The following STRN4 variants were observed in gnomAD, a reference collection of about 807,000 sequenced individuals.
STRN4 encodes striatin 4, also known as striatin-4.
STRN4 carries 27 observed loss-of-function variants against 77.9 expected under a neutral mutation model. The ratio of observed to expected loss-of-function variants is 0.35; its 90% CI spans 0.26 to 0.48. The LOEUF is 0.48. Among genes scored for constraint, STRN4 ranks in the 20% least tolerant of loss-of-function variants. The probability of loss-of-function intolerance (pLI) is 0.99; values close to 1 mark genes in which losing one functional copy is unlikely to be tolerated. For missense variants in STRN4, 798 were observed against 1,049.7 expected (o/e 0.76, Z 3.31); for synonymous variants, 466 against 443.1 (o/e 1.05, Z -0.65).
At position 46,723,869 on chromosome 19, in the gene STRN4, C is replaced by A. The variant is rs2054040266; in HGVS notation, c.1595-585G>T. Among the ~76,000 whole-genome samples the A allele has an allele frequency of 1.3e-5, 2 of 152,310 alleles. No homozygotes were observed. Among genetic ancestry groups the A allele is most frequent in the South Asian group, 2.1e-4 (1 of 4,826 alleles). On this transcript the variant is annotated intron_variant, in intron 12 of 17. Coordinates refer to ENST00000263280, the MANE Select transcript of STRN4 (RefSeq NM_013403.3). This position sits in a 1 kb window ranked among gnomAD's most constrained non-coding sequence, Gnocchi z 5.5. ...CTGACCTTGTGCAGGTGAGCCTGTT[C>A]TCTAAAGTCTGTCCTCCCCTTGAGA...
In STRN4 at chr19:46,728,727, G is replaced by A. The variant is rs138551240; in HGVS notation, c.930C>T (p.Asp310=). The A allele has an allele frequency of 1.2e-4, 186 of 1,614,156 alleles. No individual in the cohort carries two copies. In the African/African-American group the frequency reaches 1.9e-3, roughly 17 times the overall value. The change falls in exon 7 of 18, where the codon GAC becomes GAT. Residue 310 remains aspartate, a synonymous_variant. Transcript: ENST00000263280. The stretch of plus-strand genomic sequence containing the variant: ...ACTCATTGATAGCATCCTCAGAGTC[G>A]TCTTCCTCATCCTCGTCTTCCATTT... ...VPEMEDEDEE[D]DSEDAINEFD... is the part of the protein sequence containing the mutation.
Position 46,721,968 on chromosome 19 carries a change from C to T in STRN4, c.2092+18G>A, listed in dbSNP as rs2053987808. On this transcript the variant is annotated intron_variant, in intron 16 of 17. Coordinates refer to ENST00000263280, the MANE Select transcript of STRN4 (RefSeq NM_013403.3). ...CCCCTTCTCCCCAACCCTGGTGGGA[C>T]TAGTGTGCTCAACTTACTTCCTGAC... The T allele has an allele frequency of 6.2e-7, 1 of 1,613,172 alleles. No individual in the cohort carries two copies. The highest frequency in any genetic ancestry group is 1.7e-5 in the Admixed American group (1 of 60,002).
At chr19:46,721,934 C>T (rs1599856146) in intron 16 of STRN4, 52 bp downstream of exon 16, 1 of 1,602,312 alleles carries the variant, frequency 6.2e-7, no homozygotes. Context: ...AGTGCCCAGG[C>T]CTCTTCCTCC....
rs149538533 is a variant in STRN4, at chr19:46,724,119, G to A, written c.1594+688C>T. Among the ~76,000 whole-genome samples the A allele has an allele frequency of 6.2e-3, 950 of 152,068 alleles. 13 individuals carry two copies. The highest frequency in any genetic ancestry group is 0.021 in the African/African-American group (883 of 41,476). On this transcript the variant is annotated intron_variant, in intron 12 of 17. Coordinates refer to ENST00000263280, the MANE Select transcript of STRN4 (RefSeq NM_013403.3). ...AAAAAATAGCTGGATATGGTGGTGC[G>A]TGCCTGTAATCCCAGCTACTCGGGA... is the stretch of plus-strand genomic sequence containing the variant.
At position 46,733,087 on chromosome 19, in the gene STRN4, C is replaced by T. The variant is rs774560567; in HGVS notation, c.689G>A (p.Ser230Asn). The change falls in exon 5 of 18, where the codon AGT (serine) becomes AAT (asparagine). Residue 230 changes from serine (S) to asparagine (N), a missense_variant. Around this residue, in one of 2 missense-constraint regions of STRN4, gnomAD observed 511 missense variants for 575.9 expected, o/e 0.89. Transcript: ENST00000263280. The surrounding 1 kb of genome is among the most constrained non-coding windows in gnomAD (Gnocchi z 4.3). ...PRAPPGPAGL[S>N]GGESLLVKQI... Reference sequence around the variant, plus strand: ...TTTCACCAGCAGCGACTCCCCACCACTGAGCCCTGCAGGGCCTGGTGGAGC... The same window carrying T: ...TTTCACCAGCAGCGACTCCCCACCATTGAGCCCTGCAGGGCCTGGTGGAGC... 1 of 1,613,664 alleles carries T rather than the reference C, an allele frequency of 6.2e-7. No individual in the cohort carries two copies. The highest frequency in any genetic ancestry group is 2.2e-5 in the East Asian group (1 of 44,876).
Position 46,730,720 on chromosome 19 carries a change from G to A in STRN4, c.879+12C>T. 1 of 1,610,884 alleles carries A rather than the reference G, an allele frequency of 6.2e-7. No homozygotes were observed. Among genetic ancestry groups the A allele is most frequent in the Non-Finnish European group, 8.5e-7 (1 of 1,179,912 alleles). On this transcript the variant is annotated intron_variant, in intron 6 of 17. Coordinates refer to ENST00000263280, the MANE Select transcript of STRN4 (RefSeq NM_013403.3). ...CAGGCCAGGCTGTGCAGGGCATGGA[G>A]GAAGGGCTCACCTTCACACGCTGCT...
chr19:46,727,741 G>GA, intron 8 of STRN4, 153 bp downstream of exon 8: 1 of 778,648 alleles, frequency 1.3e-6, no homozygotes, highest in Non-Finnish European at 2.0e-6. Flanking sequence ...AAAAGAGAGG[G>GA]AGACAGACAG....
intron 1 of STRN4, among the ~76,000 whole-genome samples, chr19:46,743,656 T>C (rs1205493377): frequency 6.6e-6 from 1 of 152,136 alleles, no homozygotes; most frequent in Non-Finnish European, 1.5e-5. Flanking sequence ...TCCCAGCACT[T>C]TGGGAGGCCG....
intron 1 of STRN4, among the ~76,000 whole-genome samples, chr19:46,742,104 C>T (rs151219019): frequency 2.0e-5 from 3 of 152,322 alleles, no homozygotes; most frequent in Non-Finnish European, 2.9e-5. Flanking sequence ...TGTGCATGAA[C>T]ATCTACAGCT....
intron 3 of STRN4, among the ~76,000 whole-genome samples, chr19:46,737,492 C>T (rs1034130974): frequency 2.6e-5 from 4 of 152,260 alleles, no homozygotes; most frequent in African/African-American, 9.6e-5. Context: ...GCTGAGCACA[C>T]AAGGTCTTCT....
chr19:46,720,961 C>G, intron 16 of STRN4, 190 bp from the exon 17 acceptor site: 1 of 518,644 alleles, frequency 1.9e-6, no homozygotes, highest in Admixed American at 4.3e-5. Context: ...GTCCACAGTC[C>G]ATCTCATCCC....
intron 11 of STRN4, among the ~76,000 whole-genome samples, 197 bp downstream of exon 11, chr19:46,725,135 G>C (rs975870462): frequency 1.3e-5 from 2 of 152,002 alleles, no homozygotes; most frequent in East Asian, 3.9e-4. Flanking sequence ...GCTGTGCTGA[G>C]TACCAGCTGC....
chr19:46,744,256 G>A (rs1568408226), intron 1 of STRN4, among the ~76,000 whole-genome samples: 1 of 152,126 alleles, frequency 6.6e-6, no homozygotes, highest in African/African-American at 2.4e-5. Context: ...AAAGAGCTTC[G>A]GAAGTAGAGA....
chr19:46,734,963 C>T (rs1423943283), intron 4 of STRN4, among the ~76,000 whole-genome samples: 3 of 152,188 alleles, frequency 2.0e-5, no homozygotes, highest in East Asian at 1.9e-4. Context: ...TGCACCCGGC[C>T]GATGTTTGCA....
At chr19:46,722,684 G>A in intron 14 of STRN4, 126 bp downstream of exon 14, 1 of 1,426,418 alleles carries the variant, frequency 7.0e-7, no homozygotes, top group Non-Finnish European at 9.5e-7. Context: ...CTTCCTTCCT[G>A]CTCAGGGCCT....
At chr19:46,731,095 A>C (rs529605352) in intron 5 of STRN4, among the ~76,000 whole-genome samples, 6 of 152,306 alleles carry the variant, frequency 3.9e-5, no homozygotes, top group African/African-American at 1.4e-4. Flanking sequence ...AACGGGGCCC[A>C]GCTCCTCAAT....
rs574246599 is a variant in STRN4 at position 46,741,134 on chromosome 19, G to A, written c.283-2246C>T. On this transcript the variant is annotated intron_variant, in intron 1 of 17. Coordinates refer to ENST00000263280, the MANE Select transcript of STRN4 (RefSeq NM_013403.3). The surrounding 1 kb of genome is among the most constrained non-coding windows in gnomAD (Gnocchi z 4.9). ...AGGGAGTTCTGGAGGGAGACTAGAG[G>A]GAGGGAGCAGGAGAGCGGCAGAGCT... is the stretch of plus-strand genomic sequence containing the variant. 1.3e-5 allele frequency among the ~76,000 whole-genome samples: 2 copies of A among 152,206 alleles called. No homozygotes were observed. The highest frequency in any genetic ancestry group is 4.8e-5 in the African/African-American group (2 of 41,448).
chr19:46,727,851 C>CATG, intron 8 of STRN4, 43 bp downstream of exon 8: 2 of 1,518,686 alleles, frequency 1.3e-6, no homozygotes, highest in Non-Finnish European at 1.8e-6. Flanking sequence ...CTCCCTCTGC[C>CATG]ATGGGCCCGC....
At chr19:46,731,353 C>T (rs984451167) in intron 5 of STRN4, 12 of 168,626 alleles carry the variant, frequency 7.1e-5, no homozygotes, top group Non-Finnish European at 3.9e-5. Flanking sequence ...CAAGCAGGGG[C>T]GCCGGCGATC....
Sources: allele counts gnomAD v4.1 joint callset (sites outside exome capture counted in the v4.1 genomes callset), GRCh38; gene constraint gnomAD v4.1.1; regional missense constraint gnomAD v4.1.1; non-coding constraint Gnocchi (gnomAD v3.1); transcripts MANE v1.5; gene names NCBI Gene and HGNC (gene_info 2026-07-23, HGNC 2026-07-21).